SCN1A: variants seen among roughly 807,000 people sequenced by gnomAD.
SCN1A encodes the protein sodium channel protein type 1 subunit alpha.
A neutral mutation model predicts 193.7 loss-of-function variants in SCN1A; 13 were observed. That is an observed-to-expected ratio of 0.07 (90% CI 0.04 to 0.11). The LOEUF (loss-of-function observed/expected upper bound fraction) is 0.11. SCN1A is among the 10% of genes least tolerant of loss of function. The probability of loss-of-function intolerance (pLI) is 1.00; values close to 1 mark genes in which losing one functional copy is unlikely to be tolerated. For synonymous variants in SCN1A, 781 were observed against 843.6 expected (o/e 0.93, Z 1.29); for missense variants, 1,432 against 2,451.1 (o/e 0.58, Z 8.78).
intron 2 of SCN1A, among the ~76,000 whole-genome samples, chr2:166,085,444 T>G (rs552704631): frequency 1.3e-4 from 19 of 151,866 alleles, no homozygotes; most frequent in Admixed American, 5.2e-4. Flanking sequence ...CTCAGAGGGG[T>G]TTCTCTTTAG....
At chr2:166,012,597 G>T (rs1692649632) in intron 21 of SCN1A, among the ~76,000 whole-genome samples, 1 of 119,842 alleles carries the variant, frequency 8.3e-6, no homozygotes, top group Non-Finnish European at 1.8e-5. Flanking sequence ...CATTTATTTT[G>T]CTTCCTTCTA....
At chr2:166,060,673 C>A (rs1191958250) in intron 4 of SCN1A, 1 of 152,112 alleles carries the variant, frequency 6.6e-6, no homozygotes, top group Admixed American at 6.6e-5. Flanking sequence ...GCCTGGCCAA[C>A]ATGGTGAAAC....
At chr2:166,002,210 G>A (rs528986790) in intron 24 of SCN1A, among the ~76,000 whole-genome samples, 1 of 151,582 alleles carries the variant, frequency 6.6e-6, no homozygotes, top group South Asian at 2.1e-4. Context: ...TATATAGAAA[G>A]AGCAATATAG....
intron 2 of SCN1A, among the ~76,000 whole-genome samples, chr2:166,126,161 G>A (rs936096736): frequency 5.3e-5 from 8 of 152,060 alleles, no homozygotes; most frequent in Non-Finnish European, 1.0e-4. Context: ...TTGGTTTCCC[G>A]TAAATCTCTG....
intron 20 of SCN1A, among the ~76,000 whole-genome samples, chr2:166,014,524 T>C (rs1692986399): frequency 7.0e-6 from 1 of 142,540 alleles, no homozygotes; most frequent in Non-Finnish European, 1.5e-5. Context: ...GGCACTTAGG[T>C]ACACACACAA....
At position 166,100,002 on chromosome 2, in the gene SCN1A, G is replaced by GA. The variant is rs1168201362; in HGVS notation, c.-141-22202dup. ...ACCAATGCCTTTCTTCACAGAATTG[G>GA]AAAAAACTACTTTAAAGTTCATATG... On this transcript the variant is annotated intron_variant, in intron 2 of 28. Transcript: ENST00000674923. Among the ~76,000 whole-genome samples the GA allele has an allele frequency of 1.2e-4, 12 of 98,982 alleles. 1 individual carries two copies. The highest frequency in any genetic ancestry group is 4.1e-4 in the African/African-American group (12 of 29,210). The allele number at this position is 98,982 out of a possible 152,430, so 64.9% of individuals were successfully genotyped here. A position where few individuals can be genotyped will look rare whatever the true frequency, so the allele number is the denominator to read the frequency against.
chr2:166,075,669 G>A (rs947009975), intron 3 of SCN1A, among the ~76,000 whole-genome samples: 1 of 151,748 alleles, frequency 6.6e-6, no homozygotes, highest in African/African-American at 2.4e-5. Flanking sequence ...AAATATATGT[G>A]GATATATTTA....
In SCN1A at chr2:165,992,863, C is replaced by T. The variant is rs1213116626; in HGVS notation, c.4853-441G>A. 1.3e-5 allele frequency: 2 copies of T among 153,476 alleles called. No homozygotes were observed. Among genetic ancestry groups the T allele is most frequent in the African/African-American group, 2.4e-5 (1 of 41,430 alleles). 9.5% of individuals were successfully genotyped at this position (153,476 alleles called of 1,614,324 possible). A position where few individuals can be genotyped will look rare whatever the true frequency, so the allele number is the denominator to read the frequency against. On this transcript the variant is annotated intron_variant, in intron 28 of 28. Coordinates refer to ENST00000674923, the MANE Select transcript of SCN1A (RefSeq NM_001165963.4). The surrounding 1 kb of genome is among the most constrained non-coding windows in gnomAD (Gnocchi z 6.5). Reference sequence around the variant, plus strand: ...CTGAAAGTATTGGTAGCTTTTGATGCTACTTTCATCTCCCCATGATCTTGG... The same window carrying T: ...CTGAAAGTATTGGTAGCTTTTGATGTTACTTTCATCTCCCCATGATCTTGG...
intron 5 of SCN1A, 51 bp downstream of exon 5, chr2:166,058,519 G>A (rs763926266): frequency 3.0e-6 from 3 of 1,007,870 alleles, no homozygotes; most frequent in Non-Finnish European, 3.2e-6. Context: ...GCTATAAAGT[G>A]CTTACAGATC....
At chr2:166,013,944 C>T (rs1369476755) in intron 20 of SCN1A, 46 bp from the exon 21 acceptor site, 1 of 1,597,516 alleles carries the variant, frequency 6.3e-7, no homozygotes, top group East Asian at 2.2e-5. Flanking sequence ...TCTCTGCTTC[C>T]ATAATATCCT....
chr2:166,113,352 T>C (rs1689503349), intron 2 of SCN1A, among the ~76,000 whole-genome samples: 1 of 152,104 alleles, frequency 6.6e-6, no homozygotes, highest in African/African-American at 2.4e-5. Flanking sequence ...GTATTAAATA[T>C]ACTAGGTTCT....
At chr2:166,069,146 AG>A (rs747076663) in intron 4 of SCN1A, among the ~76,000 whole-genome samples, 12 of 152,186 alleles carry the variant, frequency 7.9e-5, no homozygotes, top group Admixed American at 6.5e-4. Flanking sequence ...AAACAAACAA[AG>A]GGAAACCAAT....
intron 1 of SCN1A, among the ~76,000 whole-genome samples, chr2:166,140,941 T>C (rs1026241426): frequency 3.9e-4 from 60 of 152,168 alleles, no homozygotes; most frequent in Non-Finnish European, 5.9e-5. Flanking sequence ...TGTGGACTCT[T>C]TGGCTCCACC....
intron 9 of SCN1A, among the ~76,000 whole-genome samples, chr2:166,050,151 T>A (rs1698363571): frequency 6.6e-6 from 1 of 152,016 alleles, no homozygotes. Flanking sequence ...TATAATAGTT[T>A]CTGGATGAAT....
At chr2:166,033,551 C>G (rs191765601) in intron 19 of SCN1A, among the ~76,000 whole-genome samples, 1 of 151,930 alleles carries the variant, frequency 6.6e-6, no homozygotes, top group African/African-American at 2.4e-5. Context: ...TCAAGTCTAA[C>G]TAAACTATGA....
At chr2:166,045,433 T>A in intron 12 of SCN1A, 106 bp from the exon 13 acceptor site, 1 of 1,252,704 alleles carries the variant, frequency 8.0e-7, no homozygotes, top group Non-Finnish European at 1.1e-6. Flanking sequence ...TTGAACTGAC[T>A]GAAGATCATC....
At chr2:166,006,548 G>A (rs1356003450) in intron 23 of SCN1A, among the ~76,000 whole-genome samples, 1 of 151,156 alleles carries the variant, frequency 6.6e-6, no homozygotes, top group East Asian at 1.9e-4. Context: ...TTATTTCTAG[G>A]TATGTATTCT....
intron 2 of SCN1A, among the ~76,000 whole-genome samples, chr2:166,097,939 T>C (rs1687579505): frequency 6.6e-6 from 1 of 152,208 alleles, no homozygotes; most frequent in African/African-American, 2.4e-5. Context: ...TCTAGATAAA[T>C]AGAGGTCATT....
intron 19 of SCN1A, among the ~76,000 whole-genome samples, chr2:166,021,305 T>TGTTA (rs1342360885): frequency 6.6e-6 from 1 of 152,216 alleles, no homozygotes; most frequent in Non-Finnish European, 1.5e-5. Context: ...CTGAGAGAAG[T>TGTTA]GTTAGTGCTT....
Sources: allele counts gnomAD v4.1 joint callset (sites outside exome capture counted in the v4.1 genomes callset), GRCh38; gene constraint gnomAD v4.1.1; non-coding constraint Gnocchi (gnomAD v3.1); transcripts MANE v1.5; gene names NCBI Gene and HGNC (gene_info 2026-07-23, HGNC 2026-07-21).